GRID2: variants seen among roughly 807,000 people sequenced by gnomAD.
GRID2 encodes the protein glutamate ionotropic receptor delta type subunit 2.
A neutral mutation model predicts 114.8 loss-of-function variants in GRID2; 33 were observed. That is an observed-to-expected ratio of 0.29 (90% CI 0.22 to 0.38). The LOEUF (loss-of-function observed/expected upper bound fraction) is 0.38, where lower values mean the gene tolerates loss of function less well. GRID2 is among the 10% of genes least tolerant of loss of function. The pLI is 1.00. For synonymous variants in GRID2, 505 were observed against 449.9 expected (o/e 1.12, Z -1.55); for missense variants, 1,184 against 1,257.7 (o/e 0.94, Z 0.89).
chr4:92,417,790 C>T (rs528282638), intron 1 of GRID2, among the ~76,000 whole-genome samples: 2 of 152,078 alleles, frequency 1.3e-5, no homozygotes, highest in Admixed American at 6.6e-5. Flanking sequence ...TGTCATGGGA[C>T]GGACCCAGTA....
chr4:92,381,095 T>C (rs746577170), intron 1 of GRID2, among the ~76,000 whole-genome samples: 22 of 152,080 alleles, frequency 1.4e-4, no homozygotes, highest in Admixed American at 1.1e-3. Context: ...GTAGATACCA[T>C]ACATTATTTT....
At chr4:92,839,135 C>T (rs927388785) in intron 2 of GRID2, among the ~76,000 whole-genome samples, 2 of 152,024 alleles carry the variant, frequency 1.3e-5, no homozygotes, top group African/African-American at 4.8e-5. Context: ...TTGATGCATC[C>T]TTGAAGAACT....
chr4:93,786,647 G>A (rs1734596765), intron 1 of GRID2, among the ~76,000 whole-genome samples: 1 of 152,172 alleles, frequency 6.6e-6, no homozygotes, highest in Admixed American at 6.5e-5. Context: ...CTACAAGATG[G>A]AGGAAGCAAA....
At chr4:92,616,474 G>C (rs897525757) in intron 2 of GRID2, among the ~76,000 whole-genome samples, 6 of 151,324 alleles carry the variant, frequency 4.0e-5, no homozygotes, top group Non-Finnish European at 8.9e-5. Context: ...TCAGGTTTCT[G>C]CTAACTAGAT....
chr4:92,810,670 G>A (rs560701732), intron 2 of GRID2, among the ~76,000 whole-genome samples: 2 of 152,084 alleles, frequency 1.3e-5, no homozygotes, highest in Non-Finnish European at 2.9e-5. Context: ...GAATGGAAGT[G>A]TAATAGTAAC....
chr4:93,591,390 A>G (rs1274123725), intron 13 of GRID2, among the ~76,000 whole-genome samples: 4 of 151,448 alleles, frequency 2.6e-5, no homozygotes, highest in African/African-American at 7.3e-5. Context: ...CCAGCCTTGC[A>G]TCCCAGGGAT....
chr4:92,603,822 C>G (rs775585403), intron 2 of GRID2, among the ~76,000 whole-genome samples: 1 of 150,900 alleles, frequency 6.6e-6, no homozygotes, highest in Non-Finnish European at 1.5e-5. Flanking sequence ...CTACAAGGAA[C>G]TTAAACAAAT....
intron 2 of GRID2, among the ~76,000 whole-genome samples, chr4:93,036,309 T>A (rs1366630630): frequency 6.6e-6 from 1 of 152,106 alleles, no homozygotes; most frequent in Non-Finnish European, 1.5e-5. Context: ...TATATAGTAT[T>A]AAAAATGAGC....
chr4:93,233,319 T>TATG lies in GRID2; in HGVS notation c.1126-5050_1126-5049insGAT, dbSNP rs1746353984. On this transcript the variant is annotated intron_variant, in intron 7 of 15. Transcript: ENST00000282020. ...GAATAACGTGACACTGAAGGATTAT[T>TATG]ATTATTATTATTATTATTTTTTTTT... Among the ~76,000 whole-genome samples, 3 of 107,268 alleles carry TATG rather than the reference T, an allele frequency of 2.8e-5. No homozygotes were observed. The South Asian group carries it at 9.7e-4, about 35-fold the overall frequency. 70.4% of individuals were successfully genotyped at this position (107,268 alleles called of 152,430 possible). A position where few individuals can be genotyped will look rare whatever the true frequency, so the allele number is the denominator to read the frequency against.
At chr4:92,811,762 T>C (rs1233677162) in intron 2 of GRID2, among the ~76,000 whole-genome samples, 1 of 152,064 alleles carries the variant, frequency 6.6e-6, no homozygotes, top group Non-Finnish European at 1.5e-5. Context: ...TAAAATCATA[T>C]GAAAATGGGA....
intron 1 of GRID2, among the ~76,000 whole-genome samples, chr4:92,374,323 G>T (rs1230019443): frequency 6.6e-6 from 1 of 151,984 alleles, no homozygotes; most frequent in Non-Finnish European, 1.5e-5. Context: ...TTAATCCCAG[G>T]TCTTTAGATA....
chr4:92,957,301 C>T (rs975462983), intron 2 of GRID2, among the ~76,000 whole-genome samples: 3 of 151,862 alleles, frequency 2.0e-5, no homozygotes, highest in Admixed American at 6.6e-5. Flanking sequence ...GCATTTAGGC[C>T]TGTGATTCAC....
intron 13 of GRID2, among the ~76,000 whole-genome samples, chr4:93,517,701 A>G (rs1365521581): frequency 2.0e-5 from 3 of 151,864 alleles, no homozygotes; most frequent in African/African-American, 7.2e-5. Context: ...GAAATTGAGA[A>G]CTATGACACA....
intron 14 of GRID2, among the ~76,000 whole-genome samples, chr4:93,680,196 T>C (rs1183361990): frequency 6.6e-6 from 1 of 152,120 alleles, no homozygotes; most frequent in Non-Finnish European, 1.5e-5. Context: ...GATAAATTCC[T>C]TGACACATAC....
chr4:93,268,752 A>C (rs1751119347), intron 8 of GRID2, among the ~76,000 whole-genome samples: 1 of 152,138 alleles, frequency 6.6e-6, no homozygotes, highest in Non-Finnish European at 1.5e-5. Context: ...CACATATCTA[A>C]ACTGACTGAT....
chr4:93,135,080 G>A (rs1735124394), intron 4 of GRID2, among the ~76,000 whole-genome samples: 1 of 152,150 alleles, frequency 6.6e-6, no homozygotes, highest in Non-Finnish European at 1.5e-5. Context: ...AGGTATTTAA[G>A]TGGTTTGCAT....
chr4:92,613,608 A>AAT (rs1379477089), intron 2 of GRID2, among the ~76,000 whole-genome samples: 3 of 151,452 alleles, frequency 2.0e-5, no homozygotes, highest in Non-Finnish European at 3.0e-5. Context: ...GATTTTTCTC[A>AAT]TCGCTGAGTG....
chr4:92,368,609 T>G (rs1194066797), intron 1 of GRID2, among the ~76,000 whole-genome samples: 1 of 152,072 alleles, frequency 6.6e-6, no homozygotes, highest in Non-Finnish European at 1.5e-5. Context: ...CCTAAGCTCA[T>G]GAAGAGTTTA....
intron 1 of GRID2, among the ~76,000 whole-genome samples, chr4:92,546,378 C>G (rs1030521652): frequency 6.6e-6 from 1 of 152,080 alleles, no homozygotes; most frequent in African/African-American, 2.4e-5. Context: ...TCAGACAGAC[C>G]CTTTTATCAT....
Sources: gnomAD v4.1 joint callset for allele counts (sites outside exome capture counted in the v4.1 genomes callset) on GRCh38, gnomAD v4.1.1 for gene constraint, MANE v1.5 for transcripts, NCBI Gene and HGNC (gene_info 2026-07-23, HGNC 2026-07-21) for gene names.